RASSF3: variants seen among roughly 807,000 people sequenced by gnomAD.
RASSF3 encodes the protein ras association domain-containing protein 3.
In RASSF3, 19 loss-of-function variants were observed where a neutral mutation model predicts 19.9. The ratio of observed to expected loss-of-function variants is 0.96; its 90% CI spans 0.67 to 1.40. The LOEUF (loss-of-function observed/expected upper bound fraction) is 1.40. RASSF3 is among the 40% of genes most tolerant of loss of function. RASSF3 has a pLI of 0.00. For missense variants in RASSF3, 306 were observed against 289.8 expected (o/e 1.06, Z -0.41); for synonymous variants, 110 against 104.2 (o/e 1.06, Z -0.34).
intron 1 of RASSF3, among the ~76,000 whole-genome samples, chr12:64,615,926 C>T (rs1343220436): frequency 2.6e-5 from 4 of 152,122 alleles, no homozygotes; most frequent in East Asian, 1.9e-4. Flanking sequence ...CCACCCACCT[C>T]GGCCTCCCAC....
At chr12:64,643,103 C>T (rs1871602841) in intron 1 of RASSF3, among the ~76,000 whole-genome samples, 1 of 151,764 alleles carries the variant, frequency 6.6e-6, no homozygotes, top group Admixed American at 6.6e-5. Context: ...GATTCCGCCC[C>T]TCCCCACCCG....
intron 2 of RASSF3, among the ~76,000 whole-genome samples, chr12:64,550,133 T>A (rs986102460): frequency 6.6e-6 from 1 of 152,160 alleles, no homozygotes; most frequent in African/African-American, 2.4e-5. Flanking sequence ...TTCTCCTTCC[T>A]GCCCTCTCTT....
At position 64,671,807 on chromosome 12, in the gene RASSF3, G is replaced by T. The variant is rs111304602; in HGVS notation, c.112-12980G>T. On this transcript the variant is annotated intron_variant, in intron 1 of 4. Coordinates refer to ENST00000542104, the MANE Select transcript of RASSF3 (RefSeq NM_178169.4). ...GTCCTGAATTGACGGCAGCAGAGGG[G>T]TATCTTTCTTCATTCTTCATTATTT... is the stretch of plus-strand genomic sequence containing the variant. 7.0e-3 allele frequency among the ~76,000 whole-genome samples: 1,069 copies of T among 152,330 alleles called. 15 individuals are homozygous for T. Among genetic ancestry groups the T allele is most frequent in the African/African-American group, 0.025 (1,030 of 41,572 alleles).
intron 1 of RASSF3, chr12:64,533,566 CA>C (rs1868760685): frequency 6.6e-6 from 1 of 152,208 alleles, no homozygotes; most frequent in Admixed American, 6.5e-5. Context: ...AACGTGCTTT[CA>C]AATGTTGCAT....
chr12:64,663,798 C>T (rs1872453413), intron 1 of RASSF3, among the ~76,000 whole-genome samples: 1 of 151,322 alleles, frequency 6.6e-6, no homozygotes, highest in African/African-American at 2.4e-5. Flanking sequence ...GAGCCACCAC[C>T]CCCGGCCATC....
At chr12:64,610,788 C>T (rs1171800322) in intron 1 of RASSF3, 45 bp downstream of exon 1, 8 of 1,343,642 alleles carry the variant, frequency 6.0e-6, no homozygotes, top group Admixed American at 2.1e-5. Context: ...CCCAGAGTTC[C>T]GGGGAACCCG....
intron 2 of RASSF3, among the ~76,000 whole-genome samples, chr12:64,685,235 A>T (rs1255923698): frequency 1.3e-5 from 2 of 151,956 alleles, no homozygotes; most frequent in Non-Finnish European, 2.9e-5. Flanking sequence ...AGAAGACCTC[A>T]GGTAAGGTTT....
At chr12:64,607,776 A>G (rs920949246), upstream of RASSF3, among the ~76,000 whole-genome samples, 1 of 151,984 alleles carries the variant, frequency 6.6e-6, no homozygotes, top group East Asian at 1.9e-4. Context: ...TTTTTTTAAG[A>G]GACAGACTCT....
rs146920963 is a variant in RASSF3 at position 64,660,052 on chromosome 12, GTA to G, written c.112-24725_112-24724del. On this transcript the variant is annotated intron_variant, in intron 1 of 4. Coordinates refer to ENST00000542104, the MANE Select transcript of RASSF3 (RefSeq NM_178169.4). ...TATGTGTATATATATGTGTGTGTAT[GTA>G]TATATATATGTGTGTGTGTATGTAT... Among the ~76,000 whole-genome samples, 7 of 109,574 alleles carry G rather than the reference GTA, an allele frequency of 6.4e-5. No individual in the cohort carries two copies. In the East Asian group the frequency reaches 9.7e-4, roughly 15 times the overall value. The allele number at this position is 109,574 out of a possible 152,430, so 71.9% of individuals were successfully genotyped here. A position where few individuals can be genotyped will look rare whatever the true frequency, so the allele number is the denominator to read the frequency against.
chr12:64,542,309 G>T (rs1230763489), downstream of RASSF3, among the ~76,000 whole-genome samples: 4 of 152,162 alleles, frequency 2.6e-5, no homozygotes, highest in African/African-American at 9.7e-5. Context: ...TCCAGCCTAA[G>T]TGACAGAGTA....
chr12:64,566,090 A>G (rs1424941684), intron 2 of RASSF3, among the ~76,000 whole-genome samples: 1 of 151,626 alleles, frequency 6.6e-6, no homozygotes, highest in Non-Finnish European at 1.5e-5. Flanking sequence ...AGTCCCAGCT[A>G]CTCAGGAGGC....
chr12:64,593,528 T>G (rs1247027130), intron 2 of RASSF3, among the ~76,000 whole-genome samples: 1 of 152,086 alleles, frequency 6.6e-6, no homozygotes, highest in Non-Finnish European at 1.5e-5. Flanking sequence ...GAAGTTGTGT[T>G]TTTTTAGCTG....
At chr12:64,519,545 T>C (rs1868424844) in intron 1 of RASSF3, among the ~76,000 whole-genome samples, 2 of 152,140 alleles carry the variant, frequency 1.3e-5, no homozygotes, top group African/African-American at 4.8e-5. Flanking sequence ...TGGGATGTGA[T>C]TTACCTGTGC....
At chr12:64,556,563 T>C (rs929587198) in intron 2 of RASSF3, among the ~76,000 whole-genome samples, 1 of 152,050 alleles carries the variant, frequency 6.6e-6, no homozygotes, top group African/African-American at 2.4e-5. Context: ...TCCGTCAGGC[T>C]GGGGGCAGCC....
intron 1 of RASSF3, among the ~76,000 whole-genome samples, chr12:64,675,452 G>C (rs945773928): frequency 1.3e-5 from 2 of 152,050 alleles, no homozygotes; most frequent in Non-Finnish European, 2.9e-5. Flanking sequence ...GCCCGGCCTG[G>C]TTTCTTAACT....
At chr12:64,550,308 G>T (rs962570743) in intron 2 of RASSF3, among the ~76,000 whole-genome samples, 1 of 152,048 alleles carries the variant, frequency 6.6e-6, no homozygotes, top group South Asian at 2.1e-4. Context: ...AAAGGGAGAA[G>T]AGAGAAGAGG....
chr12:64,639,701 C>G (rs1871448790), intron 1 of RASSF3, among the ~76,000 whole-genome samples: 1 of 152,278 alleles, frequency 6.6e-6, no homozygotes, highest in South Asian at 2.1e-4. Context: ...ACCTGTTGGA[C>G]TGGCTTTAGG....
chr12:64,691,737 G>GAGGGCAGGGGGATGGGAATAGA (rs1555217324), intron 4 of RASSF3, among the ~76,000 whole-genome samples, 158 bp downstream of exon 4: 1 of 151,696 alleles, frequency 6.6e-6, no homozygotes, highest in East Asian at 1.9e-4. Flanking sequence ...CAGGGAGAGG[G>GAGGGCAGGGGGATGGGAATAGA]AGAGGGATTT....
rs116294329 is a variant in RASSF3, at chr12:64,600,692, G to A, written c.294+58987G>A. 9.5e-3 allele frequency among the ~76,000 whole-genome samples: 1,440 copies of A among 152,170 alleles called. 23 individuals carry two copies. The highest frequency in any genetic ancestry group is 0.032 in the African/African-American group (1,348 of 41,496). On this transcript the variant is annotated intron_variant, in intron 2 of 5. Transcript: ENST00000637125. The stretch of plus-strand genomic sequence containing the variant: ...ATTTTTAACTGTGACCTATATGTAC[G>A]TAATAATAGTAAGTGGAAATTACCA...
Sources: gnomAD v4.1 joint callset for allele counts (sites outside exome capture counted in the v4.1 genomes callset) on GRCh38, gnomAD v4.1.1 for gene constraint, MANE v1.5 for transcripts, NCBI Gene and HGNC (gene_info 2026-07-23, HGNC 2026-07-21) for gene names.